Variants in GARIN1A observed in about 807,000 individuals in gnomAD.
GARIN1A encodes Golgi-associated RAB2 interactor protein 1A.
At chr7:128,686,886 A>AT in the GARIN1A span, 57 of 139,960 alleles carry the variant, frequency 4.1e-4, no homozygotes, top group African/African-American at 1.3e-3. Context: ...AAAAAAAAAA[A>AT]AAATATATCT....
At chr7:128,677,892 G>A in the GARIN1A span, 1 of 1,220,650 alleles carries the variant, frequency 8.2e-7, no homozygotes, top group East Asian at 2.6e-5. Context: ...TATATATATA[G>A]ACTTGTTTCC....
the GARIN1A span, among the ~76,000 whole-genome samples, chr7:128,704,757 G>A: frequency 6.6e-6 from 1 of 152,194 alleles, no homozygotes; most frequent in African/African-American, 2.4e-5. Context: ...TGTAAATACA[G>A]ATGAAGCTTC....
chr7:128,694,465 T>C, the GARIN1A span, among the ~76,000 whole-genome samples: 1 of 150,030 alleles, frequency 6.7e-6, no homozygotes, highest in African/African-American at 2.5e-5. Flanking sequence ...ACCCGGGAGG[T>C]AGAGGTTGCA....
chr7:128,672,274 G>T, the GARIN1A span: 2 of 765,350 alleles, frequency 2.6e-6, no homozygotes, highest in Non-Finnish European at 4.1e-6. Flanking sequence ...CTGGTGGACA[G>T]CCCGTAAGTA....
At chr7:128,690,633 A>G in the GARIN1A span, 1 of 152,146 alleles carries the variant, frequency 6.6e-6, no homozygotes, top group African/African-American at 2.4e-5. Flanking sequence ...ATTATTTTTT[A>G]TTTTTAAAAA....
the GARIN1A span, chr7:128,684,992 C>T: frequency 6.6e-6 from 1 of 151,760 alleles, no homozygotes; most frequent in Non-Finnish European, 1.5e-5. Flanking sequence ...ACCTCCACCT[C>T]TCAGGTTCAA....
chr7:128,685,599 C>T, the GARIN1A span: 1 of 152,182 alleles, frequency 6.6e-6, no homozygotes, highest in Non-Finnish European at 1.5e-5. Flanking sequence ...TGTCTTGCCT[C>T]CAGTAAAATT....
chr7:128,680,046 C>T, the GARIN1A span: 3 of 1,567,582 alleles, frequency 1.9e-6, no homozygotes, highest in Middle Eastern at 1.7e-4. Flanking sequence ...AAACAGCCTC[C>T]TGTCATCCCC....
At chr7:128,675,864 A>C in the GARIN1A span, 7 of 1,553,366 alleles carry the variant, frequency 4.5e-6, no homozygotes, top group Non-Finnish European at 5.3e-6. Context: ...CAGCAGGTAA[A>C]GGCTTGAGGG....
At chr7:128,689,835 G>A in the GARIN1A span, among the ~76,000 whole-genome samples, 1 of 150,566 alleles carries the variant, frequency 6.6e-6, no homozygotes, top group African/African-American at 2.4e-5. Context: ...GAGGTGGGGG[G>A]CACCTCTGCC....
At chr7:128,683,148 T>C in the GARIN1A span, 1 of 1,608,842 alleles carries the variant, frequency 6.2e-7, no homozygotes, top group Non-Finnish European at 8.5e-7. Context: ...AGAGCACTTC[T>C]TGGGAGCCTG....
chr7:128,708,179 ATT>A, the GARIN1A span, among the ~76,000 whole-genome samples: 637 of 129,576 alleles, frequency 4.9e-3, 1 homozygote, highest in Middle Eastern at 0.011. Flanking sequence ...CACCTGGACA[ATT>A]TTTTTTTTTT....
At chr7:128,704,392 T>C in the GARIN1A span, among the ~76,000 whole-genome samples, 14 of 151,390 alleles carry the variant, frequency 9.2e-5, 1 homozygote, top group Admixed American at 8.6e-4. Flanking sequence ...GCAACCTCCA[T>C]CTCCCAGGCT....
chr7:128,689,976 G>T, the GARIN1A span, among the ~76,000 whole-genome samples: 1 of 152,196 alleles, frequency 6.6e-6, no homozygotes, highest in Non-Finnish European at 1.5e-5. Context: ...AAGGGGGAAA[G>T]GTGGGGAAAA....
At chr7:128,677,173 C>T in the GARIN1A span, among the ~76,000 whole-genome samples, 2 of 151,854 alleles carry the variant, frequency 1.3e-5, no homozygotes, top group Non-Finnish European at 2.9e-5. Flanking sequence ...AGGCCAGTGT[C>T]GCTGAGCCAC....
At chr7:128,693,719 G>A in the GARIN1A span, 41,302 of 152,536 alleles carry the variant, frequency 0.27, 5,972 homozygotes, top group East Asian at 0.54. Context: ...TGTCGTTGTC[G>A]CTGCTGCCTC....
chr7:128,681,839 G>T, the GARIN1A span, among the ~76,000 whole-genome samples: 7 of 151,338 alleles, frequency 4.6e-5, no homozygotes. Context: ...CTCCTTTCTG[G>T]CCCCTCAACT....
chr7:128,672,234 G>T, the GARIN1A span: 3 of 540,742 alleles, frequency 5.5e-6, no homozygotes, highest in South Asian at 2.8e-5. Flanking sequence ...TGTCATTCCT[G>T]CCATTGTGAG....
At chr7:128,677,442 G>A in the GARIN1A span, 1 of 1,109,566 alleles carries the variant, frequency 9.0e-7, no homozygotes, top group Non-Finnish European at 1.2e-6. Flanking sequence ...CGGGGGCAGA[G>A]CCTGCAGTGA....
Sources: gnomAD v4.1 joint callset for allele counts (sites outside exome capture counted in the v4.1 genomes callset) on GRCh38, gnomAD v4.1.1 for gene constraint, MANE v1.5 for transcripts, NCBI Gene and HGNC (gene_info 2026-07-23, HGNC 2026-07-21) for gene names.